MCU: variants seen among roughly 807,000 people sequenced by gnomAD.
MCU encodes the protein mitochondrial calcium uniporter.
A neutral mutation model predicts 45.2 loss-of-function variants in MCU; 12 were observed. The observed-to-expected ratio is 0.27, with a 90% CI of 0.17 to 0.43. MCU has a LOEUF of 0.43. Among genes scored for constraint, MCU ranks in the 20% least tolerant of loss-of-function variants. MCU has a pLI of 1.00. For synonymous variants in MCU, 160 were observed against 165.1 expected (o/e 0.97, Z 0.24); for missense variants, 324 against 436.7 (o/e 0.74, Z 2.30).
chr10:72,720,367 T>C (rs1199046010), intron 1 of MCU, among the ~76,000 whole-genome samples: 2 of 152,248 alleles, frequency 1.3e-5, no homozygotes, highest in Non-Finnish European at 2.9e-5. Context: ...AATTCAGGTA[T>C]ATGTCTGCAT....
intron 1 of MCU, among the ~76,000 whole-genome samples, chr10:72,770,458 T>TCCTCTTTCTTTTTTGTGCTATTA (rs1843788459): frequency 6.6e-6 from 1 of 152,240 alleles, no homozygotes; most frequent in African/African-American, 2.4e-5. Flanking sequence ...TATCTCTATT[T>TCCTCTTTCTTTTTTGTGCTATTA]CCTCTTTCTT....
intron 1 of MCU, among the ~76,000 whole-genome samples, chr10:72,724,261 A>G (rs1034398331): frequency 1.3e-5 from 2 of 152,220 alleles, no homozygotes; most frequent in Admixed American, 6.5e-5. Flanking sequence ...CATCTTTGCC[A>G]ATACAATGTG....
At chr10:72,749,868 G>T (rs1328128626) in intron 1 of MCU, among the ~76,000 whole-genome samples, 2 of 152,022 alleles carry the variant, frequency 1.3e-5, no homozygotes, top group Non-Finnish European at 2.9e-5. Context: ...CCAGGTTCAA[G>T]TGATTCTCCT....
intron 1 of MCU, among the ~76,000 whole-genome samples, chr10:72,726,346 A>G (rs2132678622): frequency 6.6e-6 from 1 of 152,060 alleles, no homozygotes; most frequent in African/African-American, 2.4e-5. Flanking sequence ...TTTTTCTCAC[A>G]TAGTAATAAA....
At chr10:72,812,739 A>G (rs1371598696) in intron 1 of MCU, among the ~76,000 whole-genome samples, 1 of 146,086 alleles carries the variant, frequency 6.8e-6, no homozygotes, top group Non-Finnish European at 1.5e-5. Flanking sequence ...TTGCAAAGCA[A>G]TGTAAAGAGG....
At chr10:72,702,928 A>T (rs1394209539) in intron 1 of MCU, among the ~76,000 whole-genome samples, 2 of 152,054 alleles carry the variant, frequency 1.3e-5, no homozygotes, top group East Asian at 3.9e-4. Flanking sequence ...CAGTGAGCTG[A>T]CATGGTGCCA....
At chr10:72,820,395 A>C (rs1459048951) in intron 1 of MCU, among the ~76,000 whole-genome samples, 1 of 152,152 alleles carries the variant, frequency 6.6e-6, no homozygotes, top group Admixed American at 6.5e-5. Flanking sequence ...TTTTGACCTC[A>C]TGCTCATAGT....
At chr10:72,790,841 ATTTAT>A (rs1227823125) in intron 1 of MCU, among the ~76,000 whole-genome samples, 1 of 152,198 alleles carries the variant, frequency 6.6e-6, no homozygotes, top group Non-Finnish European at 1.5e-5. Flanking sequence ...TCATTCCAGT[ATTTAT>A]TTTAAATCAT....
At chr10:72,833,970 G>A (rs1844916775) in intron 1 of MCU, among the ~76,000 whole-genome samples, 1 of 152,154 alleles carries the variant, frequency 6.6e-6, no homozygotes. Flanking sequence ...GGAAGGAGAC[G>A]CAGATCTGAA....
chr10:72,799,756 CATT>C (rs1844311053), intron 1 of MCU, among the ~76,000 whole-genome samples: 1 of 151,970 alleles, frequency 6.6e-6, no homozygotes, highest in Non-Finnish European at 1.5e-5. Flanking sequence ...TAATAAATGT[CATT>C]ATTATTAAGA....
In MCU at chr10:72,697,359, C is replaced by T. The variant is rs185015520; in HGVS notation, c.150+5058C>T. 2.7e-3 allele frequency among the ~76,000 whole-genome samples: 403 copies of T among 151,920 alleles called. 3 individuals carry two copies. The highest frequency in any genetic ancestry group is 9.4e-3 in the African/African-American group (390 of 41,438). ...CTCGAACTCCTGGCCTCGGGTAACC[C>T]ACCTGCCTCGGCCTCCCAAAATACT... On this transcript the variant is annotated intron_variant, in intron 1 of 7. Transcript: ENST00000373053.
intron 1 of MCU, among the ~76,000 whole-genome samples, chr10:72,780,646 G>A (rs546698242): frequency 2.6e-5 from 4 of 151,732 alleles, no homozygotes; most frequent in African/African-American, 9.7e-5. Flanking sequence ...GAACACCAGG[G>A]CTACTTGATT....
chr10:72,713,003 C>T (rs1842913860), intron 1 of MCU, among the ~76,000 whole-genome samples: 1 of 152,124 alleles, frequency 6.6e-6, no homozygotes, highest in African/African-American at 2.4e-5. Flanking sequence ...GGCAAGCAAA[C>T]ACAAGCCAAA....
intron 1 of MCU, among the ~76,000 whole-genome samples, chr10:72,731,627 C>A (rs1314458172): frequency 3.3e-5 from 5 of 152,016 alleles, no homozygotes; most frequent in Admixed American, 3.3e-4. Flanking sequence ...GTCTATTCCC[C>A]TCTACACCTG....
At chr10:72,771,123 T>C (rs987373121) in intron 1 of MCU, among the ~76,000 whole-genome samples, 2 of 152,214 alleles carry the variant, frequency 1.3e-5, no homozygotes, top group Non-Finnish European at 2.9e-5. Flanking sequence ...TAGGTATACA[T>C]GTGCCATGAT....
intron 1 of MCU, among the ~76,000 whole-genome samples, chr10:72,729,891 T>A (rs536174569): frequency 4.0e-5 from 6 of 151,848 alleles, no homozygotes; most frequent in Non-Finnish European, 8.8e-5. Flanking sequence ...CTTTAGACTT[T>A]GCCAAATATC....
At chr10:72,711,164 C>G (rs12355437) in intron 1 of MCU, among the ~76,000 whole-genome samples, 1 of 147,584 alleles carries the variant, frequency 6.8e-6, no homozygotes, top group East Asian at 2.0e-4. Context: ...GCAACAAGAG[C>G]GAAACTCTGT....
At chr10:72,819,727 CTTTTTTTTT>C (rs71021538) in intron 1 of MCU, among the ~76,000 whole-genome samples, 1 of 102,602 alleles carries the variant, frequency 9.7e-6, no homozygotes. Context: ...TTTTTCCAGT[CTTTTTTTTT>C]TTTTTTTTTT....
At chr10:72,873,541 C>T (rs1272279185) in intron 6 of MCU, among the ~76,000 whole-genome samples, 1 of 152,096 alleles carries the variant, frequency 6.6e-6, no homozygotes, top group Middle Eastern at 3.2e-3. Flanking sequence ...AATGTTTTCT[C>T]CCAGTTCTGT....
Sources: gnomAD v4.1 joint callset for allele counts (sites outside exome capture counted in the v4.1 genomes callset) on GRCh38, gnomAD v4.1.1 for gene constraint, MANE v1.5 for transcripts, NCBI Gene and HGNC (gene_info 2026-07-23, HGNC 2026-07-21) for gene names.